FANCM: variants seen among roughly 807,000 people sequenced by gnomAD.
FANCM encodes the protein Fanconi anemia group M protein.
In FANCM, 140 loss-of-function variants were observed where a neutral mutation model predicts 199.5. That is an observed-to-expected ratio of 0.70 (90% CI 0.61 to 0.81). The LOEUF is 0.81. Among genes scored for constraint, FANCM ranks in the 30% least tolerant of loss-of-function variants. The pLI is 0.00. For synonymous variants in FANCM, 840 were observed against 836.8 expected (o/e 1.00, Z -0.07); for missense variants, 2,410 against 2,421.4 (o/e 1.00, Z 0.10).
rs2139245514 is a variant in FANCM, at chr14:45,175,793, G to A, written c.3039G>A (p.Lys1013=). ...GLSDLEYEIA[K]GTALENLLFL... is the part of the protein sequence containing the mutation. Reference sequence around the variant, plus strand: ...CAGACTTGGAATATGAAATTGCTAAGGGTACTGCACTTGAGAATTTGCTTT... The same window carrying A: ...CAGACTTGGAATATGAAATTGCTAAAGGTACTGCACTTGAGAATTTGCTTT... Residue 1013 remains lysine, a synonymous_variant, in exon 14 of 23, where the codon AAG becomes AAA. Transcript: ENST00000267430. 1 of 1,613,722 alleles carries A rather than the reference G, an allele frequency of 6.2e-7. No individual in the cohort carries two copies. The highest frequency in any genetic ancestry group is 8.5e-7 in the Non-Finnish European group (1 of 1,179,896).
chr14:45,185,775 T>A (rs532080807), intron 18 of FANCM, among the ~76,000 whole-genome samples: 30 of 152,322 alleles, frequency 2.0e-4, no homozygotes, highest in East Asian at 1.5e-3. Context: ...AACTAAATTA[T>A]TTAGTTTATT....
intron 5 of FANCM, 63 bp downstream of exon 5, chr14:45,151,591 A>G (rs1045728156): frequency 6.9e-7 from 1 of 1,445,808 alleles, no homozygotes; most frequent in Admixed American, 1.7e-5. Context: ...AGGATAAAAC[A>G]TAGGTAATGA....
At chr14:45,166,799 C>G in intron 10 of FANCM, 151 bp from the exon 11 acceptor site, 2 of 514,898 alleles carry the variant, frequency 3.9e-6, no homozygotes, top group South Asian at 4.5e-5. Flanking sequence ...AAAAAAAATT[C>G]AAGACAACAG....
intron 3 of FANCM, among the ~76,000 whole-genome samples, chr14:45,146,829 T>C (rs773924422): frequency 3.8e-5 from 4 of 104,766 alleles, no homozygotes; most frequent in Non-Finnish European, 5.3e-5. Flanking sequence ...CAAGACTCTG[T>C]CTCAAAAAAA....
intron 21 of FANCM, among the ~76,000 whole-genome samples, chr14:45,197,375 G>T (rs960844305): frequency 2.0e-5 from 3 of 152,124 alleles, no homozygotes; most frequent in African/African-American, 7.2e-5. Flanking sequence ...CATTGGTGTG[G>T]GAGTTGGGCA....
At chr14:45,164,703 G>T (rs1323694659) in intron 10 of FANCM, 138 bp downstream of exon 10, 7 of 694,614 alleles carry the variant, frequency 1.0e-5, no homozygotes, top group African/African-American at 1.8e-5. Context: ...CTTTGTATTG[G>T]ATTCTCTCTT....
chr14:45,142,699 G>C (rs1258610148), intron 3 of FANCM, among the ~76,000 whole-genome samples: 1 of 152,014 alleles, frequency 6.6e-6, no homozygotes, highest in African/African-American at 2.4e-5. Flanking sequence ...GGGTAAGTCT[G>C]ATGTTTTCTC....
chr14:45,189,535 C>T (rs1165939066), intron 20 of FANCM, among the ~76,000 whole-genome samples, 173 bp downstream of exon 20: 1 of 152,134 alleles, frequency 6.6e-6, no homozygotes, highest in African/African-American at 2.4e-5. Context: ...ATGGGCAATT[C>T]ACAGGGTGCT....
chr14:45,172,106 A>T (rs994461204), intron 12 of FANCM, among the ~76,000 whole-genome samples: 2 of 151,976 alleles, frequency 1.3e-5, no homozygotes, highest in Admixed American at 1.3e-4. Context: ...TTTCTCTGAT[A>T]ATTAGTGATG....
intron 22 of FANCM, 86 bp from the exon 23 acceptor site, chr14:45,199,784 A>G: frequency 8.7e-7 from 1 of 1,149,466 alleles, no homozygotes; most frequent in Admixed American, 1.7e-5. Context: ...CTTAAAGGCT[A>G]CTGTGTTTGG....
intron 13 of FANCM, 51 bp from the exon 14 acceptor site, chr14:45,175,020 T>C: frequency 8.6e-7 from 1 of 1,164,586 alleles, no homozygotes; most frequent in Non-Finnish European, 1.3e-6. Flanking sequence ...AGATTTGGCT[T>C]TCTGTTTTGT....
In FANCM at chr14:45,175,662, G is replaced by A. The variant is rs1245895480; in HGVS notation, c.2908G>A (p.Val970Ile). Residue 970 changes from valine (V) to isoleucine (I), a missense_variant, in exon 14 of 23, where the codon GTT (valine) becomes ATT (isoleucine). Physicochemically the swap from Val to Ile is conservative, Grantham distance 29. Transcript: ENST00000267430. ...TCCATTCGAAGAAGAGCTTTATATT[G>A]TTAGAACAGATGACCAATTTTATAA... is the stretch of plus-strand genomic sequence containing the variant. The part of the protein sequence containing the change: ...FLPFEEELYI[V>I]RTDDQFYNCH... The A allele has an allele frequency of 1.9e-6, 3 of 1,613,196 alleles. No individual in the cohort carries two copies. The African/African-American group carries it at 4.0e-5, about 22-fold the overall frequency.
chr14:45,174,022 T>C (rs2139237639), intron 13 of FANCM, among the ~76,000 whole-genome samples: 1 of 152,196 alleles, frequency 6.6e-6, no homozygotes, highest in South Asian at 2.1e-4. Context: ...AAATATTCTG[T>C]TTATGTGGAG....
At chr14:45,157,506 A>G (rs1887282619) in intron 8 of FANCM, among the ~76,000 whole-genome samples, 1 of 152,210 alleles carries the variant, frequency 6.6e-6, no homozygotes, top group Admixed American at 6.5e-5. Context: ...AGGAAAGAGG[A>G]AAGTGTGTTA....
At chr14:45,155,312 T>G in intron 7 of FANCM, 61 bp from the exon 8 acceptor site, 2 of 722,678 alleles carry the variant, frequency 2.8e-6, no homozygotes, top group South Asian at 1.5e-5. Flanking sequence ...TTCATATACA[T>G]TAGTGTAATT....
chr14:45,153,351 T>G (rs184830644), intron 5 of FANCM, among the ~76,000 whole-genome samples: 2 of 152,356 alleles, frequency 1.3e-5, no homozygotes, highest in East Asian at 3.9e-4. Context: ...AAGTGAATTG[T>G]GCAAGTAATG....
At chr14:45,197,610 A>T (rs944903135) in intron 21 of FANCM, among the ~76,000 whole-genome samples, 3 of 149,586 alleles carry the variant, frequency 2.0e-5, no homozygotes, top group African/African-American at 7.4e-5. Context: ...GATTACAGGC[A>T]TGTGCCACCA....
chr14:45,199,795 T>G, intron 22 of FANCM, 75 bp from the exon 23 acceptor site: 1 of 1,280,698 alleles, frequency 7.8e-7, no homozygotes, highest in Admixed American at 1.7e-5. Flanking sequence ...CTGTGTTTGG[T>G]GTTCTTTAGG....
chr14:45,136,978 A>G, intron 1 of FANCM, 91 bp from the exon 2 acceptor site: 1 of 967,006 alleles, frequency 1.0e-6, no homozygotes, highest in Non-Finnish European at 1.6e-6. Flanking sequence ...ATGTTACCAA[A>G]GCATGTTTGC....
Sources: allele counts gnomAD v4.1 joint callset (sites outside exome capture counted in the v4.1 genomes callset), GRCh38; gene constraint gnomAD v4.1.1; transcripts MANE v1.5; gene names NCBI Gene and HGNC (gene_info 2026-07-23, HGNC 2026-07-21).